Variants in CREB5 observed in about 807,000 individuals in gnomAD.
The protein encoded by CREB5 is cAMP responsive element binding protein 5.
A neutral mutation model predicts 57.1 loss-of-function variants in CREB5; 19 were observed. The observed-to-expected ratio is 0.33, with a 90% CI of 0.23 to 0.49. The LOEUF is 0.49. CREB5 is among the 20% of genes least tolerant of loss of function. CREB5 has a pLI of 0.99. For synonymous variants in CREB5, 238 were observed against 238.3 expected, an observed-to-expected ratio of 1.00 and a Z score of 0.01; for missense variants, 579 against 671.6, an observed-to-expected ratio of 0.86 and a Z score of 1.52.
At chr7:28,405,532 C>T (rs1266124994) in intron 1 of CREB5, among the ~76,000 whole-genome samples, 3 of 152,170 alleles carry the variant, frequency 2.0e-5, no homozygotes, top group African/African-American at 4.8e-5. Flanking sequence ...TCCATCTCAG[C>T]CTCCTGAGTA....
At chr7:28,460,262 G>T (rs1039421438) in intron 1 of CREB5, among the ~76,000 whole-genome samples, 4 of 152,126 alleles carry the variant, frequency 2.6e-5, no homozygotes, top group Non-Finnish European at 5.9e-5. Flanking sequence ...ATGAAAAAAG[G>T]CAAAAGGGAG....
chr7:28,665,833 C>T (rs986731595), intron 5 of CREB5, among the ~76,000 whole-genome samples: 7 of 151,992 alleles, frequency 4.6e-5, no homozygotes, highest in African/African-American at 1.7e-4. Context: ...GGGCACCATA[C>T]TGTAGGCATG....
At chr7:28,592,561 A>C (rs1290972083) in intron 5 of CREB5, among the ~76,000 whole-genome samples, 1 of 152,074 alleles carries the variant, frequency 6.6e-6, no homozygotes, top group Non-Finnish European at 1.5e-5. Context: ...GCTCTACATC[A>C]CCCCCACGCA....
intron 5 of CREB5, among the ~76,000 whole-genome samples, chr7:28,687,338 A>G (rs2128727914): frequency 6.6e-6 from 1 of 151,970 alleles, no homozygotes; most frequent in Admixed American, 6.6e-5. Flanking sequence ...TGTCTTAGAA[A>G]CAGTTAATAT....
At chr7:28,328,965 C>T (rs928036726) in intron 1 of CREB5, among the ~76,000 whole-genome samples, 2 of 152,188 alleles carry the variant, frequency 1.3e-5, no homozygotes, top group Non-Finnish European at 1.5e-5. Context: ...TTGAATTTTG[C>T]CGGTGACTTA....
In CREB5 at chr7:28,388,558, T is replaced by C. The variant is rs138953851; in HGVS notation, c.-25+89117T>C. On this transcript the variant is annotated intron_variant, in intron 1 of 9. Transcript: ENST00000396299. ...TCTTATGAGCTCAACAATTAAATGG[T>C]TGTTTAGTATATTTCATCCAGCATT... Among the ~76,000 whole-genome samples the C allele has an allele frequency of 2.2e-3, 334 of 152,288 alleles. 1 individual carries two copies. Among genetic ancestry groups the C allele is most frequent in the African/African-American group, 7.8e-3 (324 of 41,568 alleles).
chr7:28,609,723 G>A (rs1364644336), intron 5 of CREB5, among the ~76,000 whole-genome samples: 1 of 152,252 alleles, frequency 6.6e-6, no homozygotes, highest in African/African-American at 2.4e-5. Flanking sequence ...GCAGGGAAGA[G>A]TGGATACTGA....
In CREB5 at chr7:28,516,216, T is replaced by A. The variant is rs572319483; in HGVS notation, c.291+8479T>A. ...GACAGAGCGACACCTTGTATTTTTT[T>A]TAAAAAAAAAGTAAAGAAAACAATT... On this transcript the variant is annotated intron_variant, in intron 4 of 10. Coordinates refer to ENST00000357727, the MANE Select transcript of CREB5 (RefSeq NM_182898.4). Among the ~76,000 whole-genome samples the A allele has an allele frequency of 8.5e-3, 1,291 of 151,514 alleles. 19 individuals are homozygous for A. The highest frequency in any genetic ancestry group is 0.028 in the African/African-American group (1,171 of 41,322).
chr7:28,607,744 TGTGTGTG>T (rs1562524667), intron 5 of CREB5, among the ~76,000 whole-genome samples: 34 of 8,114 alleles, frequency 4.2e-3, no homozygotes, highest in Non-Finnish European at 0.01. Flanking sequence ...GCTGTGTGTG[TGTGTGTG>T]TGTGTGTGTG....
intron 5 of CREB5, among the ~76,000 whole-genome samples, chr7:28,678,263 CT>C (rs1321496376): frequency 5.9e-5 from 9 of 152,174 alleles, no homozygotes; most frequent in African/African-American, 2.2e-4. Context: ...TGGTGTGCGC[CT>C]GTAGCCCCAG....
At chr7:28,764,030 T>C (rs1423936169) in intron 7 of CREB5, among the ~76,000 whole-genome samples, 1 of 152,110 alleles carries the variant, frequency 6.6e-6, no homozygotes, top group Non-Finnish European at 1.5e-5. Context: ...CTCAAACTCC[T>C]GGCCTCAAGC....
At chr7:28,406,135 C>T (rs1787574592) in intron 1 of CREB5, among the ~76,000 whole-genome samples, 1 of 152,184 alleles carries the variant, frequency 6.6e-6, no homozygotes, top group African/African-American at 2.4e-5. Flanking sequence ...AATGACTGAA[C>T]CCAAAGTACA....
chr7:28,362,769 T>C (rs949232937), intron 1 of CREB5, among the ~76,000 whole-genome samples: 5 of 152,064 alleles, frequency 3.3e-5, no homozygotes, highest in African/African-American at 1.2e-4. Context: ...CACATGAAAA[T>C]CGGAAAAACA....
chr7:28,328,963 T>TG (rs571199316), intron 1 of CREB5, among the ~76,000 whole-genome samples: 3 of 152,238 alleles, frequency 2.0e-5, no homozygotes, highest in Non-Finnish European at 4.4e-5. Context: ...AGTTGAATTT[T>TG]GCCGGTGACT....
intron 5 of CREB5, among the ~76,000 whole-genome samples, chr7:28,609,976 T>C (rs1797321041): frequency 6.6e-6 from 1 of 152,214 alleles, no homozygotes; most frequent in Non-Finnish European, 1.5e-5. Flanking sequence ...TTGGTTCAAA[T>C]GGCTAAATGT....
chr7:28,365,688 C>T (rs1417697896), intron 1 of CREB5, among the ~76,000 whole-genome samples: 1 of 152,296 alleles, frequency 6.6e-6, no homozygotes, highest in African/African-American at 2.4e-5. Flanking sequence ...TCTACAGAAA[C>T]TGCGCTCCTC....
At chr7:28,566,623 T>C (rs1347290142) in intron 4 of CREB5, among the ~76,000 whole-genome samples, 2 of 152,190 alleles carry the variant, frequency 1.3e-5, no homozygotes, top group Non-Finnish European at 2.9e-5. Flanking sequence ...CAATGTGAAC[T>C]CAGGAAGTAA....
chr7:28,429,494 T>C (rs1408339957), intron 1 of CREB5, among the ~76,000 whole-genome samples: 1 of 152,246 alleles, frequency 6.6e-6, no homozygotes, highest in East Asian at 1.9e-4. Flanking sequence ...TTACACTTGA[T>C]GCGTCGCACC....
intron 1 of CREB5, among the ~76,000 whole-genome samples, chr7:28,372,122 G>T (rs775755034): frequency 5.9e-5 from 9 of 152,154 alleles, no homozygotes; most frequent in African/African-American, 2.2e-4. Flanking sequence ...CTGGGCTGGC[G>T]TATATACAAT....
Sources: gnomAD v4.1 joint callset for allele counts (sites outside exome capture counted in the v4.1 genomes callset) on GRCh38, gnomAD v4.1.1 for gene constraint, MANE v1.5 for transcripts, NCBI Gene and HGNC (gene_info 2026-07-23, HGNC 2026-07-21) for gene names.